Variants in SOX5 observed in about 807,000 individuals in gnomAD.
SOX5 encodes the protein transcription factor SOX-5.
A neutral mutation model predicts 92.0 loss-of-function variants in SOX5; 9 were observed. That is an observed-to-expected ratio of 0.10 (90% CI 0.06 to 0.17). The LOEUF is 0.17. Ranked by LOEUF, SOX5 falls within the 10% of genes least tolerant of loss-of-function variation. The pLI is 1.00. For missense variants in SOX5, 642 were observed against 944.5 expected (o/e 0.68, Z 4.20); for synonymous variants, 344 against 336.3 (o/e 1.02, Z -0.25).
intron 3 of SOX5, among the ~76,000 whole-genome samples, chr12:23,780,538 C>T (rs1000116948): frequency 2.6e-5 from 4 of 151,136 alleles, no homozygotes; most frequent in African/African-American, 4.9e-5. Flanking sequence ...AAGAAAGAAA[C>T]GTATCAGGGC....
intron 9 of SOX5, among the ~76,000 whole-genome samples, chr12:23,592,279 T>A (rs1038883178): frequency 1.3e-5 from 2 of 152,180 alleles, no homozygotes; most frequent in East Asian, 3.8e-4. Context: ...AAAAGGAAAA[T>A]TCTTTTAATT....
At chr12:23,845,502 A>G (rs942625157) in intron 3 of SOX5, among the ~76,000 whole-genome samples, 1 of 152,228 alleles carries the variant, frequency 6.6e-6, no homozygotes, top group Non-Finnish European at 1.5e-5. Flanking sequence ...ACTTAAGCAT[A>G]TCTAAAAGTT....
At chr12:23,649,893 C>G (rs982573494) in intron 7 of SOX5, among the ~76,000 whole-genome samples, 1 of 151,994 alleles carries the variant, frequency 6.6e-6, no homozygotes, top group Non-Finnish European at 1.5e-5. Flanking sequence ...GTGGTTTTAA[C>G]AAGACTCAAC....
chr12:23,730,843 A>T (rs1233337175), intron 6 of SOX5, among the ~76,000 whole-genome samples: 1 of 152,174 alleles, frequency 6.6e-6, no homozygotes, highest in East Asian at 1.9e-4. Context: ...ACTTGAAATA[A>T]CCTGGATGTG....
chr12:23,925,017 T>C (rs1282859999), intron 1 of SOX5, among the ~76,000 whole-genome samples: 2 of 145,276 alleles, frequency 1.4e-5, no homozygotes, highest in African/African-American at 5.0e-5. Flanking sequence ...GAATGATCAA[T>C]AAAAAAAAAA....
chr12:23,564,276 G>A (rs772551754), intron 10 of SOX5, among the ~76,000 whole-genome samples: 2 of 152,122 alleles, frequency 1.3e-5, no homozygotes, highest in Non-Finnish European at 2.9e-5. Flanking sequence ...ATATTAGTAC[G>A]ATGATCTGCA....
At chr12:24,141,422 A>G (rs927626448) in intron 4 of SOX5, among the ~76,000 whole-genome samples, 1 of 152,218 alleles carries the variant, frequency 6.6e-6, no homozygotes, top group Non-Finnish European at 1.5e-5. Context: ...ACAGTTCAAT[A>G]TGTACATAGA....
chr12:24,116,621 C>CT (rs929814975), intron 4 of SOX5, among the ~76,000 whole-genome samples: 2 of 151,976 alleles, frequency 1.3e-5, no homozygotes, highest in Admixed American at 1.3e-4. Flanking sequence ...AGATGTAACC[C>CT]TTTTTTTCCC....
At chr12:24,409,603 GT>G (rs1963687147) in intron 1 of SOX5, among the ~76,000 whole-genome samples, 1 of 152,106 alleles carries the variant, frequency 6.6e-6, no homozygotes, top group African/African-American at 2.4e-5. Context: ...GATGAATGTT[GT>G]TTTTTCCTCC....
chr12:24,089,754 C>G (rs904395585), intron 4 of SOX5, among the ~76,000 whole-genome samples: 1 of 152,070 alleles, frequency 6.6e-6, no homozygotes, highest in Non-Finnish European at 1.5e-5. Flanking sequence ...ATAAGGAATT[C>G]TTTAAGATGA....
chr12:23,969,565 T>C (rs757557820), intron 4 of SOX5, among the ~76,000 whole-genome samples: 23 of 152,220 alleles, frequency 1.5e-4, no homozygotes, highest in Non-Finnish European at 2.8e-4. Flanking sequence ...CCTCAGCTAT[T>C]TTCTCTGTTT....
intron 4 of SOX5, among the ~76,000 whole-genome samples, chr12:23,983,551 ACTTC>A (rs1375312756): frequency 6.6e-6 from 1 of 152,168 alleles, no homozygotes; most frequent in Admixed American, 6.6e-5. Context: ...TGAGCTGGAA[ACTTC>A]CTTCCTATGT....
At chr12:23,575,285 A>T (rs181338493) in intron 10 of SOX5, among the ~76,000 whole-genome samples, 24 of 152,342 alleles carry the variant, frequency 1.6e-4, no homozygotes, top group African/African-American at 5.5e-4. Context: ...GCATTTCATC[A>T]TAATGTATAC....
At chr12:24,004,928 C>T (rs758141035) in intron 4 of SOX5, among the ~76,000 whole-genome samples, 11 of 151,952 alleles carry the variant, frequency 7.2e-5, no homozygotes, top group Admixed American at 4.6e-4. Flanking sequence ...TATTATTCAG[C>T]AATAGAAAGT....
chr12:23,832,864 A>G (rs1260413541), intron 3 of SOX5, among the ~76,000 whole-genome samples: 1 of 151,918 alleles, frequency 6.6e-6, no homozygotes, highest in Non-Finnish European at 1.5e-5. Context: ...TTCAAGAACC[A>G]AAATAGATAA....
rs1163938652 is a variant in SOX5, at chr12:23,578,117, C to CAAAAAAAAAAAAAAAAA, written c.1165-2296_1165-2280dup. ...CCTGCGCAACAGAGTGAGACTGTGT[C>CAAAAAAAAAAAAAAAAA]AAAAAAAAAAAAAAAAAAAAAAAAA... On this transcript the variant is annotated intron_variant, in intron 9 of 14. Coordinates refer to ENST00000451604, the MANE Select transcript of SOX5 (RefSeq NM_006940.6). Among the ~76,000 whole-genome samples, 77 of 34,896 alleles carry CAAAAAAAAAAAAAAAAA rather than the reference C, an allele frequency of 2.2e-3. 6 individuals carry two copies. Among genetic ancestry groups the CAAAAAAAAAAAAAAAAA allele is most frequent in the Non-Finnish European group, 2.8e-3 (57 of 20,468 alleles). The allele number at this position is 34,896 out of a possible 152,430, so 22.9% of individuals were successfully genotyped here.
At chr12:23,905,094 A>G (rs1430244500) in intron 1 of SOX5, among the ~76,000 whole-genome samples, 1 of 152,246 alleles carries the variant, frequency 6.6e-6, no homozygotes, top group Non-Finnish European at 1.5e-5. Flanking sequence ...ATGCTTCTTT[A>G]CTACTAGTTG....
chr12:23,990,977 T>C (rs1384367991), intron 4 of SOX5, among the ~76,000 whole-genome samples: 3 of 151,964 alleles, frequency 2.0e-5, no homozygotes, highest in Non-Finnish European at 4.4e-5. Context: ...ACTGTTAATA[T>C]AGGTGAAGAT....
chr12:23,769,181 C>T (rs2094840067), intron 3 of SOX5, among the ~76,000 whole-genome samples: 1 of 152,112 alleles, frequency 6.6e-6, no homozygotes, highest in Admixed American at 6.6e-5. Flanking sequence ...AATCTCCAAA[C>T]ATGTGAAGAG....
Sources: allele counts gnomAD v4.1 joint callset (sites outside exome capture counted in the v4.1 genomes callset), GRCh38; gene constraint gnomAD v4.1.1; transcripts MANE v1.5; gene names NCBI Gene and HGNC (gene_info 2026-07-23, HGNC 2026-07-21).